KIAA1958: variants seen among roughly 807,000 people sequenced by gnomAD.
KIAA1958 encodes KIAA1958.
In KIAA1958, 14 loss-of-function variants were observed where a neutral mutation model predicts 47.2. The observed-to-expected ratio is 0.30, with a 90% CI of 0.20 to 0.46. KIAA1958 has a LOEUF of 0.46. Ranked by LOEUF, KIAA1958 falls within the 20% of genes least tolerant of loss-of-function variation. KIAA1958 has a pLI of 1.00. For synonymous variants in KIAA1958, 354 were observed against 353.3 expected (o/e 1.00, Z -0.02); for missense variants, 803 against 909.2 (o/e 0.88, Z 1.50).
intron 1 of KIAA1958, among the ~76,000 whole-genome samples, chr9:112,562,205 A>G (rs1466856895): frequency 6.6e-6 from 1 of 152,274 alleles, no homozygotes; most frequent in Non-Finnish European, 1.5e-5. Context: ...CCCTAATTTC[A>G]GGTGAGCAAT....
chr9:112,595,728 G>A (rs1045866768), intron 2 of KIAA1958, among the ~76,000 whole-genome samples: 2 of 150,874 alleles, frequency 1.3e-5, no homozygotes, highest in Non-Finnish European at 1.5e-5. Context: ...TATATTGATT[G>A]GCAGTAGCAC....
chr9:112,608,292 A>C lies in KIAA1958; in HGVS notation c.1171+33041A>C, dbSNP rs112244975. 5.2e-3 allele frequency among the ~76,000 whole-genome samples: 788 copies of C among 152,356 alleles called. 10 individuals are homozygous for C. The highest frequency in any genetic ancestry group is 0.018 in the African/African-American group (751 of 41,582). On this transcript the variant is annotated intron_variant, in intron 2 of 3. Transcript: ENST00000337530. ...TTTAAACTAATAATTTAAACTAATA[A>C]TTAAACTAATAGTGTTTATAAACCT...
At chr9:112,601,438 T>G (rs1041574164) in intron 2 of KIAA1958, among the ~76,000 whole-genome samples, 1 of 152,108 alleles carries the variant, frequency 6.6e-6, no homozygotes, top group Non-Finnish European at 1.5e-5. Flanking sequence ...GTTTTCTAGG[T>G]CTTCTTCGGC....
chr9:112,517,671 A>G (rs1023679060), intron 1 of KIAA1958, among the ~76,000 whole-genome samples: 1 of 152,220 alleles, frequency 6.6e-6, no homozygotes, highest in Non-Finnish European at 1.5e-5. Flanking sequence ...CTGGGAGAAA[A>G]TATTTTGCAA....
chr9:112,655,925 A>G (rs906853950), intron 3 of KIAA1958, among the ~76,000 whole-genome samples: 2 of 152,200 alleles, frequency 1.3e-5, no homozygotes, highest in Non-Finnish European at 2.9e-5. Flanking sequence ...ACATAGTTAG[A>G]TAAGTGTGCC....
At chr9:112,599,719 A>G (rs148279835) in intron 2 of KIAA1958, among the ~76,000 whole-genome samples, 77 of 152,358 alleles carry the variant, frequency 5.1e-4, no homozygotes, top group African/African-American at 1.7e-3. Context: ...ACTCAAGGAA[A>G]GTGAGAGTTA....
intron 3 of KIAA1958, among the ~76,000 whole-genome samples, chr9:112,652,688 TG>T (rs1171150810): frequency 6.6e-6 from 1 of 152,196 alleles, no homozygotes; most frequent in Non-Finnish European, 1.5e-5. Context: ...GGTGTGATCT[TG>T]GCTTACTGCA....
intron 2 of KIAA1958, among the ~76,000 whole-genome samples, chr9:112,589,105 C>T (rs1465775558): frequency 6.6e-6 from 1 of 152,148 alleles, no homozygotes; most frequent in African/African-American, 2.4e-5. Context: ...AAGAGATCCG[C>T]AATGCTTGTT....
intron 1 of KIAA1958, among the ~76,000 whole-genome samples, chr9:112,562,696 T>C (rs1835354838): frequency 6.6e-6 from 1 of 152,250 alleles, no homozygotes; most frequent in Admixed American, 6.5e-5. Context: ...GACTTCCTTC[T>C]GTATTCATTC....
At chr9:112,659,019 CAAAAAAAAAAAA>C (rs560013892) in intron 3 of KIAA1958, among the ~76,000 whole-genome samples, 6 of 57,764 alleles carry the variant, frequency 1.0e-4, no homozygotes, top group African/African-American at 1.8e-4. Flanking sequence ...GACTCTGACT[CAAAAAAAAAAAA>C]AAAAAAAAAA....
chr9:112,490,254 AAC>A (rs781180974), intron 1 of KIAA1958, among the ~76,000 whole-genome samples: 14 of 152,208 alleles, frequency 9.2e-5, no homozygotes, highest in Non-Finnish European at 1.8e-4. Context: ...ATTTATTTTG[AAC>A]AGTTTATTTT....
chr9:112,571,045 T>A (rs775762562), intron 1 of KIAA1958, among the ~76,000 whole-genome samples: 6 of 152,154 alleles, frequency 3.9e-5, no homozygotes, highest in Non-Finnish European at 8.8e-5. Flanking sequence ...CCTTCTGTAT[T>A]TGTTCTGTCT....
At chr9:112,511,839 G>A (rs1380765888) in intron 1 of KIAA1958, among the ~76,000 whole-genome samples, 1 of 152,032 alleles carries the variant, frequency 6.6e-6, no homozygotes, top group Non-Finnish European at 1.5e-5. Flanking sequence ...ACTGAGAGAG[G>A]TAATATCAAT....
At chr9:112,610,219 A>G (rs1836302659) in intron 2 of KIAA1958, among the ~76,000 whole-genome samples, 1 of 152,062 alleles carries the variant, frequency 6.6e-6, no homozygotes, top group African/African-American at 2.4e-5. Flanking sequence ...CTAGAGATGC[A>G]GATAACCCAG....
At chr9:112,548,389 G>T (rs1835079975) in intron 1 of KIAA1958, among the ~76,000 whole-genome samples, 1 of 152,146 alleles carries the variant, frequency 6.6e-6, no homozygotes, top group Admixed American at 6.5e-5. Context: ...TGTATTGGTT[G>T]GTGTCTTATG....
chr9:112,506,118 A>T (rs1429118193), intron 1 of KIAA1958, among the ~76,000 whole-genome samples: 4 of 152,220 alleles, frequency 2.6e-5, no homozygotes, highest in Non-Finnish European at 5.9e-5. Context: ...AATCTGAAGT[A>T]TGGAGAAAAA....
intron 1 of KIAA1958, among the ~76,000 whole-genome samples, chr9:112,491,692 A>G (rs1385393218): frequency 1.3e-5 from 2 of 152,150 alleles, no homozygotes; most frequent in East Asian, 3.8e-4. Flanking sequence ...CATTAGCTGA[A>G]CTTAACATAC....
At chr9:112,639,915 A>T (rs1836865246) in intron 2 of KIAA1958, among the ~76,000 whole-genome samples, 1 of 152,180 alleles carries the variant, frequency 6.6e-6, no homozygotes, top group Admixed American at 6.5e-5. Flanking sequence ...GAATTCTAGA[A>T]TTTCTGTTTT....
intron 2 of KIAA1958, among the ~76,000 whole-genome samples, chr9:112,631,554 AAAGG>A (rs1836708111): frequency 6.6e-6 from 1 of 151,116 alleles, no homozygotes; most frequent in Non-Finnish European, 1.5e-5. Context: ...AAAAAAAAAA[AAAGG>A]AAGTAAAACC....
Sources: allele counts gnomAD v4.1 joint callset (sites outside exome capture counted in the v4.1 genomes callset), GRCh38; gene constraint gnomAD v4.1.1; transcripts MANE v1.5; gene names NCBI Gene and HGNC (gene_info 2026-07-23, HGNC 2026-07-21).